Variants in ZNF519 observed in about 807,000 individuals in gnomAD.
ZNF519 encodes zinc finger protein 519, also known as similar to Zinc finger protein 85 (Zinc finger protein HPF4) (HTF1).
In ZNF519, 7 loss-of-function variants were observed where a neutral mutation model predicts 7.4. The observed-to-expected ratio is 0.94, with a 90% CI of 0.54 to 1.77. ZNF519 has a LOEUF of 1.77. ZNF519 is among the 40% of genes most tolerant of loss of function. The probability of loss-of-function intolerance (pLI) is 0.00; values close to 1 mark genes in which losing one functional copy is unlikely to be tolerated. For synonymous variants in ZNF519, 179 were observed against 203.3 expected (o/e 0.88, Z 1.02); for missense variants, 586 against 623.1 (o/e 0.94, Z 0.63).
intron 2 of ZNF519, among the ~76,000 whole-genome samples, chr18:14,094,813 G>A (rs1169759072): frequency 6.6e-6 from 1 of 151,150 alleles, no homozygotes; most frequent in Non-Finnish European, 1.5e-5. Context: ...TTTTTTGTTT[G>A]ATTGATTCTG....
chr18:14,118,310 G>A (rs758467483), intron 2 of ZNF519, among the ~76,000 whole-genome samples: 4 of 152,046 alleles, frequency 2.6e-5, no homozygotes, highest in Non-Finnish European at 2.9e-5. Context: ...CACCTGCCTC[G>A]GCCTACCAAA....
rs2046164421 is a variant in ZNF519 at position 14,101,999 on chromosome 18, CCTA to C, written c.*2915_*2917del. 2.9e-6 allele frequency: 1 copy of C among 347,710 alleles called. No homozygotes were observed. Among genetic ancestry groups the C allele is most frequent in the Non-Finnish European group, 5.1e-6 (1 of 195,410 alleles). 21.5% of individuals were successfully genotyped at this position (347,710 alleles called of 1,614,324 possible). A position where few individuals can be genotyped will look rare whatever the true frequency, so the allele number is the denominator to read the frequency against. On this transcript the variant is annotated 3_prime_UTR_variant, in exon 3 of 3. Transcript: ENST00000590202. ...CTAATATTCAGGAATAAAGAGGTTT[CCTA>C]CTGATTATGTTTTTTGAGAATTTTA... is the stretch of plus-strand genomic sequence containing the variant.
rs757343493 is a variant in ZNF519 at position 14,093,974 on chromosome 18, CTTATT to C, written c.131-8903_131-8899del. ...AGCTAACAATTCTTTGTCTCTCCTA[CTTATT>C]TTAAAGATATTACTAGACATTTCCT... On this transcript the variant is annotated intron_variant and NMD_transcript_variant, in intron 2 of 4. Coordinates refer to the ZNF519 transcript ENST00000587419. 2.2e-4 allele frequency among the ~76,000 whole-genome samples: 34 copies of C among 152,360 alleles called. 1 individual carries two copies. Among genetic ancestry groups the C allele is most frequent in the African/African-American group, 7.0e-4 (29 of 41,578 alleles).
chr18:14,071,550 A>C (rs1321064412), downstream of ZNF519: 2 of 152,226 alleles, frequency 1.3e-5, no homozygotes, highest in East Asian at 3.8e-4. Context: ...CATACCTTGC[A>C]TATTACGATT....
intron 1 of ZNF519, among the ~76,000 whole-genome samples, chr18:14,128,616 A>T (rs2846939): frequency 1.3e-5 from 2 of 151,570 alleles, no homozygotes; most frequent in African/African-American, 4.9e-5. Flanking sequence ...AACTGTGGGA[A>T]AGGGTGTATA....
intron 2 of ZNF519, among the ~76,000 whole-genome samples, chr18:14,114,714 A>G (rs540056854): frequency 1.3e-5 from 2 of 152,192 alleles, no homozygotes; most frequent in African/African-American, 2.4e-5. Flanking sequence ...AATAATTAGA[A>G]TAAGATTTAG....
downstream of ZNF519, chr18:14,071,852 T>C (rs925440399): frequency 1.1e-4 from 16 of 152,146 alleles, no homozygotes; most frequent in Admixed American, 9.2e-4. Context: ...TTTTGATAAA[T>C]TGGTTTTCAA....
Position 14,101,830 on chromosome 18 carries a change from C to G in ZNF519, c.*3087G>C. 1 of 398,296 alleles carries G rather than the reference C, an allele frequency of 2.5e-6. No individual in the cohort carries two copies. Among genetic ancestry groups the G allele is most frequent in the Non-Finnish European group, 4.4e-6 (1 of 225,966 alleles). The allele number at this position is 398,296 out of a possible 1,614,324, so 24.7% of individuals were successfully genotyped here. A position where few individuals can be genotyped will look rare whatever the true frequency, so the allele number is the denominator to read the frequency against. Reference sequence around the variant, plus strand: ...CGCAACAGAGCCCTGCTTGGCTGACCTGGCCTCTTCTGTCGAGTCTTTCCA... The same window carrying G: ...CGCAACAGAGCCCTGCTTGGCTGACGTGGCCTCTTCTGTCGAGTCTTTCCA... On this transcript the variant is annotated 3_prime_UTR_variant, in exon 3 of 3. Coordinates refer to ENST00000590202, the MANE Select transcript of ZNF519 (RefSeq NM_145287.4).
At position 14,105,445 on chromosome 18, in the gene ZNF519, T is replaced by C. The variant is rs746977248; in HGVS notation, c.1095A>G (p.Gln365=). Residue 365 remains glutamine (Q), a synonymous_variant, in exon 3 of 3, where the codon CAA becomes CAG. Coordinates refer to ENST00000590202, the MANE Select transcript of ZNF519 (RefSeq NM_145287.4). ...KAFNRGSYLT[Q]HQRIHTGEKP... is the part of the protein sequence containing the mutation. ...TCTCTCCGGTATGGATTCTCTGGTGTTGAGTAAGGTATGACCCCCTGTTAA... is the reference window on the plus strand; with the variant it reads ...TCTCTCCGGTATGGATTCTCTGGTGCTGAGTAAGGTATGACCCCCTGTTAA... The C allele has an allele frequency of 1.2e-6, 2 of 1,613,804 alleles. No individual in the cohort carries two copies.
At chr18:14,083,175 C>A (rs1010457044) in intron 3 of ZNF519, among the ~76,000 whole-genome samples, 1 of 152,070 alleles carries the variant, frequency 6.6e-6, no homozygotes, top group Admixed American at 6.5e-5. Context: ...CAAGGCAAAA[C>A]GCCATCTCTA....
At chr18:14,123,489 C>G (rs935874847) in intron 2 of ZNF519, among the ~76,000 whole-genome samples, 1 of 152,128 alleles carries the variant, frequency 6.6e-6, no homozygotes, top group African/African-American at 2.4e-5. Context: ...GAGGCCGAGG[C>G]AGGAGGACTG....
chr18:14,105,560 T>A lies in ZNF519; in HGVS notation c.980A>T (p.Lys327Ile). ...EKPFKCKECG[K>I]AFNRGSYLTQ... is the part of the protein sequence containing the mutation. The stretch of plus-strand genomic sequence containing the variant: ...AAGGTATGAGCCTCTGTTAAAAGCT[T>A]TGCCACATTCCTTACACTTGAAAGG... The change falls in exon 3 of 3, where the codon AAA becomes ATA. Residue 327 changes from lysine to isoleucine, a missense_variant. Coordinates refer to ENST00000590202, the MANE Select transcript of ZNF519 (RefSeq NM_145287.4). 1 of 1,614,130 alleles carries A rather than the reference T, an allele frequency of 6.2e-7. No homozygotes were observed. The highest frequency in any genetic ancestry group is 8.5e-7 in the Non-Finnish European group (1 of 1,180,026).
chr18:14,098,275 C>G (rs2046145985), downstream of ZNF519, among the ~76,000 whole-genome samples: 1 of 151,916 alleles, frequency 6.6e-6, no homozygotes, highest in African/African-American at 2.4e-5. Flanking sequence ...ATTCTCCTGC[C>G]TCAGCTTACT....
At chr18:14,076,614 G>A (rs1035348218) in exon 5 of ZNF519, 6 of 152,054 alleles carry the variant, frequency 3.9e-5, no homozygotes, top group Non-Finnish European at 8.8e-5. Context: ...TAAAACATGA[G>A]CCCACTATGT....
chr18:14,076,145 G>A (rs1015963959), exon 5 of ZNF519: 3 of 152,012 alleles, frequency 2.0e-5, no homozygotes, highest in Non-Finnish European at 4.4e-5. Context: ...ACCACTATGT[G>A]CCTCAACCTT....
intron 2 of ZNF519, among the ~76,000 whole-genome samples, chr18:14,117,105 AAC>A (rs1332921100): frequency 6.6e-6 from 1 of 152,210 alleles, no homozygotes; most frequent in East Asian, 1.9e-4. Flanking sequence ...CAAATTTAAA[AAC>A]ACAGAAAAAT....
rs956859542 is a variant in ZNF519, at chr18:14,132,429, T to G, written c.-152A>C. 1.7e-4 allele frequency: 157 copies of G among 936,684 alleles called. No individual in the cohort carries two copies. Among genetic ancestry groups the G allele is most frequent in the Middle Eastern group, 8.6e-4 (3 of 3,472 alleles). The allele number at this position is 936,684 out of a possible 1,614,324, so 58.0% of individuals were successfully genotyped here. On this transcript the variant is annotated 5_prime_UTR_variant, in exon 1 of 3. Transcript: ENST00000590202. ...CCCTAACCCCGCGCTCTGGCTGAAG[T>G]GAGACAAAGGCCGCGCCAGATTCCG... is the stretch of plus-strand genomic sequence containing the variant.
Position 14,105,552 on chromosome 18 carries a change from T to C in ZNF519, c.988A>G (p.Asn330Asp), listed in dbSNP as rs1180641690. 3 of 1,614,132 alleles carry C rather than the reference T, an allele frequency of 1.9e-6. No homozygotes were observed. The highest frequency in any genetic ancestry group is 2.5e-6 in the Non-Finnish European group (3 of 1,180,020). Reference protein sequence around the residue: ...FKCKECGKAFNRGSYLTQHQR... With the variant: ...FKCKECGKAFDRGSYLTQHQR... ...TGTTGAGTAAGGTATGAGCCTCTGT[T>C]AAAAGCTTTGCCACATTCCTTACAC... The change falls in exon 3 of 3, where the codon AAC (asparagine) becomes GAC (aspartate). Residue 330 changes from asparagine (N) to aspartate (D), a missense_variant. Transcript: ENST00000590202.
At chr18:14,122,846 C>T (rs966969925) in intron 2 of ZNF519, among the ~76,000 whole-genome samples, 20 of 151,640 alleles carry the variant, frequency 1.3e-4, no homozygotes, top group Non-Finnish European at 2.5e-4. Flanking sequence ...TTGTTACATA[C>T]GTATACATGT....
Sources: gnomAD v4.1 joint callset for allele counts (sites outside exome capture counted in the v4.1 genomes callset) on GRCh38, gnomAD v4.1.1 for gene constraint, MANE v1.5 for transcripts, NCBI Gene and HGNC (gene_info 2026-07-23, HGNC 2026-07-21) for gene names.